The following FAM135B variants were observed in gnomAD, a reference collection of about 807,000 sequenced individuals.
FAM135B encodes family with sequence similarity 135 member B, also known as protein FAM135B.
Under a neutral mutation model 127.7 loss-of-function variants are expected in FAM135B, and 43 were observed. The ratio of observed to expected loss-of-function variants is 0.34; its 90% CI spans 0.26 to 0.43. The LOEUF (loss-of-function observed/expected upper bound fraction) is 0.43, where lower values mean the gene tolerates loss of function less well. FAM135B is among the 20% of genes least tolerant of loss of function. The probability of loss-of-function intolerance (pLI) is 1.00; values close to 1 mark genes in which losing one functional copy is unlikely to be tolerated. For synonymous variants in FAM135B, 670 were observed against 665.1 expected (o/e 1.01, Z -0.11); for missense variants, 1,558 against 1,725.6 (o/e 0.90, Z 1.72).
At chr8:138,359,450 A>G (rs1051080916) in intron 2 of FAM135B, among the ~76,000 whole-genome samples, 5 of 152,172 alleles carry the variant, frequency 3.3e-5, no homozygotes, top group Admixed American at 3.3e-4. Context: ...TGGACACTCT[A>G]CCTTCACAAA....
At chr8:138,323,874 T>C (rs1258798070) in intron 2 of FAM135B, among the ~76,000 whole-genome samples, 1 of 152,224 alleles carries the variant, frequency 6.6e-6, no homozygotes, top group African/African-American at 2.4e-5. Flanking sequence ...GACTTTTGTG[T>C]AGAAGTAAAG....
rs1167857390 is a variant in FAM135B, at chr8:138,380,974, AAAAC to A, written c.-19-12976_-19-12973del. Among the ~76,000 whole-genome samples the A allele has an allele frequency of 4.2e-5, 6 of 142,742 alleles. 1 individual carries two copies. The South Asian group carries it at 6.7e-4, about 16-fold the overall frequency. The allele number at this position is 142,742 out of a possible 152,430, so 93.6% of individuals were successfully genotyped here. On this transcript the variant is annotated intron_variant, in intron 1 of 19. Transcript: ENST00000395297. The stretch of plus-strand genomic sequence containing the variant: ...AGCAACAAAACACACACATGCACAA[AAAAC>A]AAACAAACAAAAAAAAACAGAACAT...
chr8:138,451,248 A>G (rs965906043), intron 1 of FAM135B, among the ~76,000 whole-genome samples: 1 of 152,094 alleles, frequency 6.6e-6, no homozygotes, highest in East Asian at 1.9e-4. Context: ...ATTCTTCCAA[A>G]CCACTCCCTT....
At chr8:138,217,292 G>C (rs1399195902) in intron 7 of FAM135B, among the ~76,000 whole-genome samples, 1 of 152,148 alleles carries the variant, frequency 6.6e-6, no homozygotes, top group Non-Finnish European at 1.5e-5. Context: ...CAACAAAATG[G>C]TATAACTGAA....
Position 138,277,500 on chromosome 8 carries a change from T to C in FAM135B, c.158-11658A>G, listed in dbSNP as rs117251968. 2.8e-4 allele frequency among the ~76,000 whole-genome samples: 42 copies of C among 152,298 alleles called. No individual in the cohort carries two copies. The East Asian group carries it at 7.4e-3, about 27-fold the overall frequency. ...TTAACTTTCAACTCTACACAGCAAATGCAGAACAGAAGGGTTTTAACCGCA... is the reference window on the plus strand; with the variant it reads ...TTAACTTTCAACTCTACACAGCAAACGCAGAACAGAAGGGTTTTAACCGCA... On this transcript the variant is annotated intron_variant, in intron 3 of 19. Coordinates refer to ENST00000395297, the MANE Select transcript of FAM135B (RefSeq NM_015912.4).
intron 9 of FAM135B, among the ~76,000 whole-genome samples, chr8:138,190,719 C>T (rs974660559): frequency 2.6e-5 from 4 of 152,184 alleles, no homozygotes; most frequent in Admixed American, 1.3e-4. Context: ...CTGAAGCCTG[C>T]TATCTAAAGA....
At chr8:138,257,357 A>C (rs923568576) in intron 4 of FAM135B, among the ~76,000 whole-genome samples, 1 of 152,072 alleles carries the variant, frequency 6.6e-6, no homozygotes, top group Non-Finnish European at 1.5e-5. Flanking sequence ...TCACTTTAAG[A>C]CACTGGCATT....
At chr8:138,312,523 A>G (rs1214567802) in intron 2 of FAM135B, among the ~76,000 whole-genome samples, 2 of 152,182 alleles carry the variant, frequency 1.3e-5, no homozygotes, top group East Asian at 3.9e-4. Context: ...AAAAGCTAAT[A>G]GCCACCAACA....
intron 15 of FAM135B, among the ~76,000 whole-genome samples, chr8:138,143,892 A>G (rs181808352): frequency 1.4e-3 from 206 of 152,286 alleles, no homozygotes; most frequent in Middle Eastern, 6.8e-3. Context: ...TACGTGTTGG[A>G]GGATAGGAGT....
chr8:138,272,867 T>C (rs1226869608), intron 3 of FAM135B, among the ~76,000 whole-genome samples: 1 of 152,180 alleles, frequency 6.6e-6, no homozygotes, highest in African/African-American at 2.4e-5. Context: ...TAGATTTGAG[T>C]TAAAAGACAT....
intron 12 of FAM135B, among the ~76,000 whole-genome samples, chr8:138,163,338 G>C (rs1287266831): frequency 1.3e-5 from 2 of 152,110 alleles, no homozygotes; most frequent in African/African-American, 4.8e-5. Flanking sequence ...GGCATGGTGT[G>C]GGTGTTGGGG....
intron 3 of FAM135B, among the ~76,000 whole-genome samples, chr8:138,275,946 G>A (rs957937142): frequency 5.3e-5 from 8 of 152,152 alleles, no homozygotes; most frequent in African/African-American, 1.4e-4. Context: ...GGCAGTGGGT[G>A]TAGTAACATT....
intron 3 of FAM135B, among the ~76,000 whole-genome samples, chr8:138,279,464 C>T (rs145258580): frequency 1.1e-3 from 162 of 152,342 alleles, no homozygotes; most frequent in Non-Finnish European, 1.7e-3. Context: ...TAAATGCTAC[C>T]TCTTCTATGA....
intron 12 of FAM135B, among the ~76,000 whole-genome samples, chr8:138,153,714 T>A (rs573954702): frequency 6.6e-6 from 1 of 152,124 alleles, no homozygotes; most frequent in Admixed American, 6.5e-5. Context: ...GAGATCGAAC[T>A]GCAAGGCAGC....
intron 1 of FAM135B, among the ~76,000 whole-genome samples, chr8:138,415,678 T>C (rs185079013): frequency 3.3e-5 from 5 of 152,252 alleles, no homozygotes; most frequent in East Asian, 1.9e-4. Context: ...AATAATTTAA[T>C]TGGTGGAAGA....
chr8:138,407,050 T>G (rs989113631), intron 1 of FAM135B, among the ~76,000 whole-genome samples: 4 of 151,052 alleles, frequency 2.6e-5, no homozygotes, highest in African/African-American at 9.8e-5. Flanking sequence ...ATAAGCAACT[T>G]CAGCAGAGTC....
At chr8:138,346,238 T>C (rs1038080545) in intron 2 of FAM135B, among the ~76,000 whole-genome samples, 2 of 152,202 alleles carry the variant, frequency 1.3e-5, no homozygotes, top group Non-Finnish European at 2.9e-5. Context: ...TGGAAGACAG[T>C]GTGGCAATTC....
chr8:138,358,044 A>C (rs1399481908), intron 2 of FAM135B, among the ~76,000 whole-genome samples: 1 of 152,144 alleles, frequency 6.6e-6, no homozygotes, highest in Admixed American at 6.6e-5. Context: ...GTGAAAAAGG[A>C]GCAAAGGTAC....
At chr8:138,188,920 G>A (rs1332362218) in intron 9 of FAM135B, among the ~76,000 whole-genome samples, 1 of 152,196 alleles carries the variant, frequency 6.6e-6, no homozygotes, top group African/African-American at 2.4e-5. Context: ...AGGGACAGGA[G>A]ACAGGAAAAT....
Sources: gnomAD v4.1 joint callset for allele counts (sites outside exome capture counted in the v4.1 genomes callset) on GRCh38, gnomAD v4.1.1 for gene constraint, MANE v1.5 for transcripts, NCBI Gene and HGNC (gene_info 2026-07-23, HGNC 2026-07-21) for gene names.